Variants in A2ML1 observed in about 807,000 individuals in gnomAD.
A2ML1 encodes alpha-2-macroglobulin like 1, also known as alpha-2-macroglobulin-like protein 1.
In A2ML1, 161 loss-of-function variants were observed where a neutral mutation model predicts 181.9. The observed-to-expected ratio is 0.89, with a 90% CI of 0.78 to 1.01. A2ML1 has a LOEUF of 1.01. A2ML1 is among the 50% of genes least tolerant of loss of function. A2ML1 has a pLI of 0.00. For synonymous variants in A2ML1, 663 were observed against 666.8 expected (o/e 0.99, Z 0.09); for missense variants, 1,670 against 1,768.1 (o/e 0.94, Z 1.00).
intron 7 of A2ML1, among the ~76,000 whole-genome samples, chr12:8,882,136 G>A (rs1461825201): frequency 6.6e-6 from 1 of 152,164 alleles, no homozygotes; most frequent in Admixed American, 6.6e-5. Flanking sequence ...CTGGCAGTTA[G>A]CAGCAAATAA....
rs1431024480 is a variant in A2ML1, at chr12:8,841,025, A to AGGACGGACGGAC, written c.1081-341_1081-340insCGGACGGACGGA. On this transcript the variant is annotated intron_variant, in intron 10 of 35. Transcript: ENST00000299698. ...AAGGAAGGAAGGACGGAAGGAAGGA[A>AGGACGGACGGAC]GGAAGGAAGGAAAGAAAAAAGAAAG... is the stretch of plus-strand genomic sequence containing the variant. Among the ~76,000 whole-genome samples the AGGACGGACGGAC allele has an allele frequency of 1.7e-4, 22 of 126,332 alleles. No homozygotes were observed. The East Asian group carries it at 2.8e-3, about 16-fold the overall frequency. 82.9% of individuals were successfully genotyped at this position (126,332 alleles called of 152,430 possible).
At chr12:8,843,491 A>C in intron 12 of A2ML1, 130 bp downstream of exon 12, 1 of 781,090 alleles carries the variant, frequency 1.3e-6, no homozygotes, top group Non-Finnish European at 1.9e-6. Context: ...TTTTAAAGCC[A>C]CACTAAAAAA....
chr12:8,849,188 T>C (rs888594506), intron 16 of A2ML1, among the ~76,000 whole-genome samples: 1 of 152,160 alleles, frequency 6.6e-6, no homozygotes, highest in African/African-American at 2.4e-5. Flanking sequence ...AGGTCTCTTA[T>C]CATTATTATA....
chr12:8,866,099 C>T (rs1203936786), intron 29 of A2ML1, among the ~76,000 whole-genome samples: 2 of 151,824 alleles, frequency 1.3e-5, no homozygotes, highest in African/African-American at 2.4e-5. Context: ...AGGTGGATCA[C>T]GAGGTCAGGA....
In A2ML1 at chr12:8,857,352, C is replaced by A; in HGVS notation, c.3025+12C>A. The A allele has an allele frequency of 6.2e-7, 1 of 1,613,536 alleles. No homozygotes were observed. Among genetic ancestry groups the A allele is most frequent in the South Asian group, 1.1e-5 (1 of 90,954 alleles). On this transcript the variant is annotated intron_variant, in intron 24 of 35. Coordinates refer to ENST00000299698, the MANE Select transcript of A2ML1 (RefSeq NM_144670.6). ...TTTCCTGGAAATAGGTAAGTTGGTT[C>A]AGTCTTTCTTTCTTGAACACTCTCC...
Position 8,852,027 on chromosome 12 carries a change from T to C in A2ML1, c.2463+15T>C. ...ATTGCATCAGGGTGAGAGCTGGGGATACAGGAATCAGGTGTCAGCCCTGGA... is the reference window on the plus strand; with the variant it reads ...ATTGCATCAGGGTGAGAGCTGGGGACACAGGAATCAGGTGTCAGCCCTGGA... On this transcript the variant is annotated intron_variant, in intron 19 of 35. Coordinates refer to ENST00000299698, the MANE Select transcript of A2ML1 (RefSeq NM_144670.6). This position sits in a 1 kb window ranked among gnomAD's most constrained non-coding sequence, Gnocchi z 4.2. The C allele has an allele frequency of 1.2e-6, 2 of 1,612,326 alleles. No homozygotes were observed. The highest frequency in any genetic ancestry group is 1.7e-6 in the Non-Finnish European group (2 of 1,178,360).
chr12:8,873,616 T>G (rs1425072890), intron 33 of A2ML1, among the ~76,000 whole-genome samples: 4 of 152,246 alleles, frequency 2.6e-5, no homozygotes, highest in Non-Finnish European at 4.4e-5. Flanking sequence ...ACACATTTTT[T>G]TTCAGTAGTA....
intron 10 of A2ML1, among the ~76,000 whole-genome samples, chr12:8,840,822 G>A (rs1318872210): frequency 2.0e-5 from 3 of 151,610 alleles, no homozygotes; most frequent in Admixed American, 6.6e-5. Context: ...CAGGAGAATC[G>A]CTTGAACCCA....
intron 26 of A2ML1, among the ~76,000 whole-genome samples, chr12:8,860,148 C>T (rs1416368564): frequency 6.6e-6 from 1 of 152,004 alleles, no homozygotes; most frequent in African/African-American, 2.4e-5. Flanking sequence ...CTCAGATGAT[C>T]CTCCTACTTT....
Position 8,852,115 on chromosome 12 carries a change from G to C in A2ML1, c.2464-95G>C. ...GCATCCCAATTTTCCCTGGGAAAGA[G>C]AGGAGATGTCGGCGTCTCAGCCCCC... On this transcript the variant is annotated intron_variant, in intron 19 of 35. Transcript: ENST00000299698. The surrounding 1 kb of genome is among the most constrained non-coding windows in gnomAD (Gnocchi z 4.2). The C allele has an allele frequency of 1.3e-6, 2 of 1,590,440 alleles. No individual in the cohort carries two copies. The highest frequency in any genetic ancestry group is 8.6e-7 in the Non-Finnish European group (1 of 1,164,776).
At chr12:8,881,855 C>T (rs995160241) in intron 7 of A2ML1, among the ~76,000 whole-genome samples, 40 of 151,606 alleles carry the variant, frequency 2.6e-4, no homozygotes, top group Admixed American at 1.3e-3. Context: ...ACTAAAAATA[C>T]AAAAAATTAG....
intron 13 of A2ML1, 29 bp downstream of exon 13, chr12:8,845,531 A>G (rs1350141033): frequency 1.9e-6 from 3 of 1,612,854 alleles, no homozygotes; most frequent in Non-Finnish European, 2.5e-6. Flanking sequence ...CCCGGAAGCA[A>G]ACAGGATATT....
chr12:8,872,534 C>T (rs1349811054), intron 33 of A2ML1, among the ~76,000 whole-genome samples: 4 of 151,892 alleles, frequency 2.6e-5, no homozygotes, highest in African/African-American at 7.2e-5. Flanking sequence ...GTAATCCCAG[C>T]ACTTTGGGAG....
intron 28 of A2ML1, 90 bp downstream of exon 28, chr12:8,861,387 G>A: frequency 7.0e-7 from 1 of 1,419,362 alleles, no homozygotes. Flanking sequence ...TCCCACACAT[G>A]TACTCTAGGA....
intron 7 of A2ML1, 134 bp from the exon 8 acceptor site, chr12:8,837,306 C>T: frequency 4.2e-6 from 5 of 1,181,764 alleles, no homozygotes; most frequent in Non-Finnish European, 6.0e-6. Flanking sequence ...AGGCGTGAGC[C>T]ACTGCACTGG....
At chr12:8,885,198 T>C (rs1264575444) in intron 7 of A2ML1, among the ~76,000 whole-genome samples, 3 of 152,206 alleles carry the variant, frequency 2.0e-5, no homozygotes, top group East Asian at 1.9e-4. Flanking sequence ...TGTCTTTTGG[T>C]GAACAAAAGT....
At chr12:8,882,711 C>T (rs1944882776) in intron 7 of A2ML1, among the ~76,000 whole-genome samples, 1 of 152,152 alleles carries the variant, frequency 6.6e-6, no homozygotes. Context: ...CCTGTAGTCC[C>T]AGCACTTTGG....
At chr12:8,843,706 T>C (rs1001731386) in intron 12 of A2ML1, among the ~76,000 whole-genome samples, 2 of 151,066 alleles carry the variant, frequency 1.3e-5, no homozygotes, top group Admixed American at 6.7e-5. Context: ...AAGTATTCAA[T>C]ATTCCTTTTT....
intron 33 of A2ML1, among the ~76,000 whole-genome samples, chr12:8,873,600 A>T (rs1285759468): frequency 7.2e-6 from 1 of 139,136 alleles, no homozygotes; most frequent in East Asian, 1.9e-4. Flanking sequence ...GTATATGTGT[A>T]TACACACACA....
Sources: gnomAD v4.1 joint callset for allele counts (sites outside exome capture counted in the v4.1 genomes callset) on GRCh38, gnomAD v4.1.1 for gene constraint, Gnocchi (gnomAD v3.1) non-coding constraint, MANE v1.5 for transcripts, NCBI Gene and HGNC (gene_info 2026-07-23, HGNC 2026-07-21) for gene names.